Variants in ZNF423 observed in about 807,000 individuals in gnomAD.
ZNF423 encodes Ebf-associated zinc finger protein.
ZNF423 carries 12 observed loss-of-function variants against 95.8 expected under a neutral mutation model. That is an observed-to-expected ratio of 0.13 (90% confidence interval 0.08 to 0.20). The LOEUF (loss-of-function observed/expected upper bound fraction) is 0.20. Among genes scored for constraint, ZNF423 ranks in the 10% least tolerant of loss-of-function variants. ZNF423 has a pLI of 1.00. For synonymous variants in ZNF423, 749 were observed against 711.9 expected, an observed-to-expected ratio of 1.05 and a Z score of -0.83; for missense variants, 1,316 against 1,737.1, an observed-to-expected ratio of 0.76 and a Z score of 4.31.
At chr16:49,560,925 T>C (rs1037169494) in intron 5 of ZNF423, among the ~76,000 whole-genome samples, 5 of 152,166 alleles carry the variant, frequency 3.3e-5, no homozygotes, top group African/African-American at 4.8e-5. Flanking sequence ...AGTCACCGTG[T>C]TTCCAGGGCA....
chr16:49,783,244 G>C (rs376483389), intron 2 of ZNF423, among the ~76,000 whole-genome samples: 31 of 152,004 alleles, frequency 2.0e-4, no homozygotes, highest in African/African-American at 7.0e-4. Flanking sequence ...GTTAGTACCA[G>C]GCTGGGATGG....
intron 5 of ZNF423, among the ~76,000 whole-genome samples, chr16:49,587,263 G>A (rs780778128): frequency 8.5e-5 from 13 of 152,148 alleles, no homozygotes; most frequent in East Asian, 1.9e-4. Flanking sequence ...CCTTGGAAAC[G>A]GTCCCTGTGC....
At chr16:49,593,253 C>T (rs1455627138) in intron 5 of ZNF423, among the ~76,000 whole-genome samples, 1 of 152,036 alleles carries the variant, frequency 6.6e-6, no homozygotes, top group African/African-American at 2.4e-5. Context: ...GGCAACATAG[C>T]AAGATCCTGT....
intron 3 of ZNF423, among the ~76,000 whole-genome samples, chr16:49,646,563 C>CTT (rs1555517406): frequency 7.9e-6 from 1 of 126,956 alleles, no homozygotes; most frequent in East Asian, 2.3e-4. Context: ...GGCACATTTT[C>CTT]TTTTCTTTTT....
chr16:49,842,267 G>A (rs1597056576), intron 1 of ZNF423, among the ~76,000 whole-genome samples: 2 of 25,132 alleles, frequency 8.0e-5, no homozygotes, highest in Admixed American at 3.3e-4. Flanking sequence ...GGGAGGGGAA[G>A]GGAGGGGAGG....
chr16:49,677,664 G>C (rs978483276), intron 3 of ZNF423, among the ~76,000 whole-genome samples: 2 of 151,116 alleles, frequency 1.3e-5, no homozygotes, highest in African/African-American at 4.9e-5. Context: ...TGACGTGGGA[G>C]GATTGCTTCA....
At chr16:49,567,907 G>C (rs1037275231) in intron 5 of ZNF423, among the ~76,000 whole-genome samples, 1 of 152,134 alleles carries the variant, frequency 6.6e-6, no homozygotes, top group African/African-American at 2.4e-5. Context: ...ATACTCCTCC[G>C]GAAGTGGACC....
chr16:49,621,102 T>G (rs1255430498), intron 5 of ZNF423, among the ~76,000 whole-genome samples: 1 of 151,780 alleles, frequency 6.6e-6, no homozygotes, highest in Non-Finnish European at 1.5e-5. Context: ...GTGGGAGTCA[T>G]CCTCCCAGAG....
At chr16:49,753,664 C>T (rs2033672513) in intron 2 of ZNF423, among the ~76,000 whole-genome samples, 1 of 151,764 alleles carries the variant, frequency 6.6e-6, no homozygotes, top group South Asian at 2.1e-4. Flanking sequence ...AAAGAGGCAG[C>T]TTCAGCTCTG....
intron 3 of ZNF423, among the ~76,000 whole-genome samples, chr16:49,670,969 G>A (rs1184795087): frequency 6.6e-6 from 1 of 152,210 alleles, no homozygotes; most frequent in African/African-American, 2.4e-5. Flanking sequence ...AACGCCAGGG[G>A]ACAAACCTCT....
In ZNF423 at chr16:49,709,168, T is replaced by TTATATATATATATATATATA. The variant is rs534895949; in HGVS notation, c.301+21602_301+21603insTATATATATATATATATATA. 4.3e-4 allele frequency among the ~76,000 whole-genome samples: 40 copies of TTATATATATATATATATATA among 93,452 alleles called. 2 individuals are homozygous for TTATATATATATATATATATA. The highest frequency in any genetic ancestry group is 2.3e-3 in the Admixed American group (22 of 9,708). The allele number at this position is 93,452 out of a possible 152,430, so 61.3% of individuals were successfully genotyped here. A position where few individuals can be genotyped will look rare whatever the true frequency, so the allele number is the denominator to read the frequency against. ...AAAAACTCAAACGTTCAGCAGCCGT[T>TTATATATATATATATATATA]TATATATATATATATGAAAACGGAG... is the stretch of plus-strand genomic sequence containing the variant. On this transcript the variant is annotated intron_variant, in intron 3 of 7. Transcript: ENST00000563137.
intron 3 of ZNF423, among the ~76,000 whole-genome samples, chr16:49,685,090 G>A (rs2031513205): frequency 6.6e-6 from 1 of 152,116 alleles, no homozygotes; most frequent in Admixed American, 6.6e-5. Flanking sequence ...GCCATAACAA[G>A]CGGGCATCCG....
chr16:49,624,633 A>G (rs1972199054), intron 5 of ZNF423, among the ~76,000 whole-genome samples: 1 of 152,212 alleles, frequency 6.6e-6, no homozygotes, highest in Non-Finnish European at 1.5e-5. Context: ...GCCCATCAAG[A>G]ATCAAACAGA....
intron 5 of ZNF423, among the ~76,000 whole-genome samples, chr16:49,590,431 G>A (rs1347581182): frequency 1.3e-5 from 2 of 152,116 alleles, no homozygotes; most frequent in Admixed American, 6.5e-5. Context: ...CGGGGGGCAA[G>A]GGTCTTCTGG....
intron 2 of ZNF423, among the ~76,000 whole-genome samples, chr16:49,738,789 T>G (rs1333371417): frequency 1.3e-5 from 2 of 151,998 alleles, no homozygotes; most frequent in Non-Finnish European, 2.9e-5. Flanking sequence ...CTCTCACTTC[T>G]TCTCCCAATC....
intron 2 of ZNF423, among the ~76,000 whole-genome samples, chr16:49,742,681 C>G (rs546516926): frequency 3.9e-5 from 6 of 152,004 alleles, no homozygotes; most frequent in Admixed American, 3.3e-4. Context: ...GTGGGGAGCT[C>G]GATAAATCCA....
At position 49,855,087 on chromosome 16, in the gene ZNF423, G is replaced by A. The variant is rs1158683198; in HGVS notation, c.40+648C>T. 23 of 971,716 alleles carry A rather than the reference G, an allele frequency of 2.4e-5. No homozygotes were observed. The African/African-American group carries it at 3.9e-4, about 16-fold the overall frequency. The allele number at this position is 971,716 out of a possible 1,614,324, so 60.2% of individuals were successfully genotyped here. A position where few individuals can be genotyped will look rare whatever the true frequency, so the allele number is the denominator to read the frequency against. ...GGCTCCCTGCCCGGTGGGCCTCGGT[G>A]GAGGAGGCAGGAAGTGCAGGGGCCC... On this transcript the variant is annotated intron_variant, in intron 1 of 7. Coordinates refer to ENST00000563137, the MANE Select transcript of ZNF423 (RefSeq NM_001379286.1). This position sits in a 1 kb window ranked among gnomAD's most constrained non-coding sequence, Gnocchi z 4.7.
intron 5 of ZNF423, among the ~76,000 whole-genome samples, chr16:49,602,905 G>A (rs1326955755): frequency 6.6e-6 from 1 of 152,236 alleles, no homozygotes; most frequent in African/African-American, 2.4e-5. Context: ...TATTTTGTGA[G>A]CAAACCCCAA....
At position 49,508,247 on chromosome 16, in the gene ZNF423, CGCATGGCTCATGCCT is replaced by C. The variant is rs1967734204; in HGVS notation, c.3849+15362_3849+15376del. On this transcript the variant is annotated intron_variant, in intron 7 of 7. Coordinates refer to ENST00000563137, the MANE Select transcript of ZNF423 (RefSeq NM_001379286.1). ...TTTAAAACACAGACAACCAGCTAGG[CGCATGGCTCATGCCT>C]GTAATCCCAGCACTTTGGAAGGCCA... is the stretch of plus-strand genomic sequence containing the variant. 2.0e-5 allele frequency among the ~76,000 whole-genome samples: 3 copies of C among 152,230 alleles called. No homozygotes were observed. In the South Asian group the frequency reaches 6.2e-4, roughly 32 times the overall value.
Sources: allele counts gnomAD v4.1 joint callset (sites outside exome capture counted in the v4.1 genomes callset), GRCh38; gene constraint gnomAD v4.1.1; non-coding constraint Gnocchi (gnomAD v3.1); transcripts MANE v1.5; gene names NCBI Gene and HGNC (gene_info 2026-07-23, HGNC 2026-07-21).